The following PCDHA2 variants were observed in gnomAD, a reference collection of about 807,000 sequenced individuals.
PCDHA2 encodes the protein protocadherin alpha 2.
In PCDHA2, 58 loss-of-function variants were observed where a neutral mutation model predicts 66.0. That is an observed-to-expected ratio of 0.88 (90% CI 0.71 to 1.09). PCDHA2 has a LOEUF of 1.09. Ranked by LOEUF, PCDHA2 falls within the 50% of genes least tolerant of loss-of-function variation. The pLI, the probability that PCDHA2 is intolerant of heterozygous loss-of-function variation, is 0.00. For missense variants in PCDHA2, 1,267 were observed against 1,242.3 expected (o/e 1.02, Z -0.30); for synonymous variants, 634 against 554.0 (o/e 1.14, Z -2.03).
At chr5:140,802,739 C>A in intron 1 of PCDHA2, 2 of 1,612,492 alleles carry the variant, frequency 1.2e-6, no homozygotes, top group Middle Eastern at 2.0e-4. Flanking sequence ...ACGCGGAGAG[C>A]GGCAAGGTGT....
intron 1 of PCDHA2, among the ~76,000 whole-genome samples, chr5:140,889,687 T>C (rs1190333599): frequency 1.3e-5 from 2 of 152,198 alleles, no homozygotes; most frequent in African/African-American, 4.8e-5. Context: ...AACCTTTTAG[T>C]ATTATGGGCA....
chr5:140,869,346 T>C (rs781810947), intron 1 of PCDHA2: 4 of 1,614,054 alleles, frequency 2.5e-6, no homozygotes, highest in Non-Finnish European at 2.5e-6. Context: ...ATCTGCAGAA[T>C]GGCATTTTGT....
At chr5:140,967,233 A>G in intron 1 of PCDHA2, 1 of 1,613,728 alleles carries the variant, frequency 6.2e-7, no homozygotes, top group South Asian at 1.1e-5. Context: ...TACCAGCTTC[A>G]GGTAAGCGAA....
intron 1 of PCDHA2, chr5:140,828,812 A>C: frequency 6.2e-7 from 1 of 1,614,228 alleles, no homozygotes; most frequent in Non-Finnish European, 8.5e-7. Flanking sequence ...TAATGCTCCC[A>C]CTTTCGAACA....
chr5:140,850,861 C>T, intron 1 of PCDHA2: 9 of 1,592,808 alleles, frequency 5.7e-6, no homozygotes, highest in Non-Finnish European at 6.9e-6. Flanking sequence ...ACGGGAGAAC[C>T]CTCTGCTTCC....
At position 140,858,238 on chromosome 5, in the gene PCDHA2, T is replaced by C. The variant is rs1351813678; in HGVS notation, c.2388+60886T>C. 3.1e-6 allele frequency: 5 copies of C among 1,595,920 alleles called. 1 individual carries two copies. Among genetic ancestry groups the C allele is most frequent in the Non-Finnish European group, 4.3e-6 (5 of 1,166,390 alleles). ...CGGCGGCGCCCACCGAGGGCGCATGTGGGCCGGTGAAGCCCACGCTGGTGT... is the reference window on the plus strand; with the variant it reads ...CGGCGGCGCCCACCGAGGGCGCATGCGGGCCGGTGAAGCCCACGCTGGTGT... On this transcript the variant is annotated intron_variant, in intron 1 of 3. Coordinates refer to ENST00000526136, the MANE Select transcript of PCDHA2 (RefSeq NM_018905.3).
rs930549883 is a variant in PCDHA2, at chr5:140,805,626, T to C, written c.2388+8274T>C. 6.6e-6 allele frequency: 6 copies of C among 905,476 alleles called. No homozygotes were observed. In the African/African-American group the frequency reaches 1.1e-4, roughly 16 times the overall value. The allele number at this position is 905,476 out of a possible 1,614,324, so 56.1% of individuals were successfully genotyped here. On this transcript the variant is annotated intron_variant, in intron 1 of 3. Transcript: ENST00000526136. ...AAATTTCTTTATGTAAGAAAATGTA[T>C]TGTGGTTTATTTATTGGGAAGTCTT...
intron 1 of PCDHA2, among the ~76,000 whole-genome samples, chr5:140,844,102 T>C (rs1273394917): frequency 6.7e-6 from 1 of 149,766 alleles, no homozygotes; most frequent in Non-Finnish European, 1.5e-5. Context: ...TCTTACTCCA[T>C]ATGCTGTACT....
chr5:140,901,270 C>T (rs2068553355), intron 1 of PCDHA2, among the ~76,000 whole-genome samples: 2 of 152,246 alleles, frequency 1.3e-5, no homozygotes, highest in South Asian at 4.1e-4. Flanking sequence ...TGGGGTATTA[C>T]TCAAGAAATT....
At chr5:140,881,323 T>C in intron 1 of PCDHA2, 1 of 984,214 alleles carries the variant, frequency 1.0e-6, no homozygotes, top group South Asian at 4.7e-5. Flanking sequence ...AAATTCTATT[T>C]AACCAGGACG....
chr5:140,799,539 G>T (rs1482370446), intron 1 of PCDHA2, among the ~76,000 whole-genome samples: 1 of 151,820 alleles, frequency 6.6e-6, no homozygotes, highest in African/African-American at 2.4e-5. Context: ...TCATAATATA[G>T]CACAATATAA....
At chr5:140,862,749 G>A (rs993473584) in intron 1 of PCDHA2, 2 of 579,518 alleles carry the variant, frequency 3.5e-6, no homozygotes, top group Non-Finnish European at 6.7e-6. Context: ...GGGTGCACGC[G>A]GAGAGCGGCA....
intron 1 of PCDHA2, chr5:140,870,635 C>T (rs1365729454): frequency 1.9e-6 from 3 of 1,612,850 alleles, no homozygotes; most frequent in Non-Finnish European, 2.5e-6. Flanking sequence ...TCGGTGCACG[C>T]GGAGAGCGGC....
At chr5:140,916,367 CT>C (rs1359695566) in intron 1 of PCDHA2, among the ~76,000 whole-genome samples, 1 of 152,196 alleles carries the variant, frequency 6.6e-6, no homozygotes, top group Non-Finnish European at 1.5e-5. Flanking sequence ...GAGTCTTTCA[CT>C]GTAGCCACCA....
intron 1 of PCDHA2, chr5:140,848,382 A>G (rs1781481675): frequency 8.4e-7 from 1 of 1,188,868 alleles, no homozygotes; most frequent in Non-Finnish European, 1.2e-6. Context: ...ATTCTTTTTC[A>G]CTCTCTCTGT....
intron 1 of PCDHA2, chr5:140,841,851 A>C: frequency 6.2e-7 from 1 of 1,613,782 alleles, no homozygotes; most frequent in South Asian, 1.1e-5. Flanking sequence ...TCTCATGATT[A>C]CTTCATGCTA....
At chr5:140,834,657 C>T (rs2150223587) in intron 1 of PCDHA2, 4 of 1,614,136 alleles carry the variant, frequency 2.5e-6, no homozygotes, top group South Asian at 1.1e-5. Context: ...TCGGATCGAC[C>T]GCGAGGAGCT....
intron 1 of PCDHA2, chr5:140,809,778 A>G: frequency 1.9e-6 from 1 of 519,568 alleles, no homozygotes; most frequent in Non-Finnish European, 3.3e-6. Flanking sequence ...TATTCAATGC[A>G]TATTAACAGA....
rs1308888029 is a variant in PCDHA2 at position 141,011,344 on chromosome 5, A to G, written c.*1407A>G. Reference sequence around the variant, plus strand: ...ACACCTATGATGTTACCTGAAATCAATCTCCCATATGTATGCTGTATGCTA... The same window carrying G: ...ACACCTATGATGTTACCTGAAATCAGTCTCCCATATGTATGCTGTATGCTA... On this transcript the variant is annotated 3_prime_UTR_variant, in exon 4 of 4. Coordinates refer to ENST00000526136, the MANE Select transcript of PCDHA2 (RefSeq NM_018905.3). 3 of 153,730 alleles carry G rather than the reference A, an allele frequency of 2.0e-5. No homozygotes were observed. The highest frequency in any genetic ancestry group is 2.9e-5 in the Non-Finnish European group (2 of 68,040). The allele number at this position is 153,730 out of a possible 1,614,324, so 9.5% of individuals were successfully genotyped here.
Sources: gnomAD v4.1 joint callset for allele counts (sites outside exome capture counted in the v4.1 genomes callset) on GRCh38, gnomAD v4.1.1 for gene constraint, MANE v1.5 for transcripts, NCBI Gene and HGNC (gene_info 2026-07-23, HGNC 2026-07-21) for gene names.